Variants in BECN1 observed in about 807,000 individuals in gnomAD.
BECN1 encodes beclin-1.
Under a neutral mutation model 60.1 loss-of-function variants are expected in BECN1, and 15 were observed. That is an observed-to-expected ratio of 0.25 (90% CI 0.17 to 0.38). The LOEUF is 0.38. BECN1 is among the 10% of genes least tolerant of loss of function. BECN1 has a pLI of 1.00. For missense variants in BECN1, 424 were observed against 548.2 expected (o/e 0.77, Z 2.26); for synonymous variants, 179 against 201.8 (o/e 0.89, Z 0.96).
At chr17:42,811,091 G>A (rs1274380072) in intron 11 of BECN1, 163 bp from the exon 12 acceptor site, 2 of 665,556 alleles carry the variant, frequency 3.0e-6, no homozygotes, top group Non-Finnish European at 2.4e-6. Flanking sequence ...CAAAAATCAA[G>A]AAGACTGTCA....
In BECN1 at chr17:42,816,004, T is replaced by C. The variant is rs1225679982; in HGVS notation, c.734A>G (p.Asp245Gly). ...CTGGTTTTCAACACTCTTCAGCTCA[T>C]CATCCAGCTCCAGCTGCTGTCGTTT... ...EFKRQQLELD[D>G]ELKSVENQMR... The change falls in exon 8 of 12, where the codon GAT becomes GGT. Residue 245 changes from aspartate to glycine, a missense_variant. This residue lies in a region of BECN1 where 326 missense variants were observed against 406.2 expected (regional missense o/e 0.80). Transcript: ENST00000590099. The C allele has an allele frequency of 6.2e-7, 1 of 1,612,888 alleles. No individual in the cohort carries two copies. Among genetic ancestry groups the C allele is most frequent in the Non-Finnish European group, 8.5e-7 (1 of 1,179,378 alleles).
chr17:42,819,368 A>C (rs975484046), intron 4 of BECN1, 180 bp downstream of exon 4: 11 of 621,644 alleles, frequency 1.8e-5, no homozygotes, highest in Admixed American at 3.3e-5. Context: ...GAACAGCTAC[A>C]GGAAAAAATC....
chr17:42,819,107 A>G, intron 4 of BECN1: 1 of 554,164 alleles, frequency 1.8e-6, no homozygotes, highest in South Asian at 2.7e-5. Flanking sequence ...CTAAGGAGGG[A>G]GAGGGAGCAT....
intron 11 of BECN1, chr17:42,811,444 T>C (rs1181312753): frequency 1.0e-5 from 5 of 502,136 alleles, no homozygotes; most frequent in African/African-American, 9.9e-5. Context: ...CTAAACCATC[T>C]AAGGCAACAT....
intron 7 of BECN1, among the ~76,000 whole-genome samples, chr17:42,817,322 G>A (rs1366400615): frequency 1.3e-5 from 2 of 151,744 alleles, no homozygotes; most frequent in Non-Finnish European, 2.9e-5. Flanking sequence ...AAAAAACAGT[G>A]GCTTCTTCCA....
At chr17:42,818,172 C>G (rs1325959677) in intron 7 of BECN1, 49 bp downstream of exon 7, 1 of 1,581,130 alleles carries the variant, frequency 6.3e-7, no homozygotes, top group East Asian at 2.2e-5. Context: ...AAGCCATTTC[C>G]TCTCCTGGAG....
rs527281250 is a variant in BECN1 at position 42,813,333 on chromosome 17, G to C, written c.1041+615C>G. Among the ~76,000 whole-genome samples, 16 of 151,736 alleles carry C rather than the reference G, an allele frequency of 1.1e-4. No individual in the cohort carries two copies. The East Asian group carries it at 2.8e-3, about 26-fold the overall frequency. On this transcript the variant is annotated intron_variant, in intron 10 of 11. Coordinates refer to ENST00000590099, the MANE Select transcript of BECN1 (RefSeq NM_001313998.2). ...GTGGATCACCTGAGGTCAGGAGTTC[G>C]AGACCAGCCTGGTCCAACATGGTAA...
chr17:42,811,414 C>T, intron 11 of BECN1: 1 of 409,606 alleles, frequency 2.4e-6, no homozygotes, highest in Non-Finnish European at 4.2e-6. Context: ...GAGGCTTGAG[C>T]TCTATGCCAA....
chr17:42,811,648 T>C lies in BECN1; in HGVS notation c.1184+7A>G. On this transcript the variant is annotated splice_region_variant and intron_variant, in intron 11 of 11. Transcript: ENST00000590099. ...TACAAGTTCACTCAGCATTGCGCTA[T>C]ACTGACCTGTAGGGAAGACAAAAAC... 1.2e-6 allele frequency: 2 copies of C among 1,613,558 alleles called. No homozygotes were observed. The highest frequency in any genetic ancestry group is 1.7e-6 in the Non-Finnish European group (2 of 1,179,702).
intron 11 of BECN1, chr17:42,811,389 C>T (rs1010960271): frequency 5.5e-6 from 2 of 366,462 alleles, no homozygotes; most frequent in African/African-American, 4.2e-5. Context: ...GAAAAACCTT[C>T]TTGAAACTGG....
chr17:42,820,899 G>A, intron 2 of BECN1, 58 bp from the exon 3 acceptor site: 1 of 1,424,780 alleles, frequency 7.0e-7, no homozygotes, highest in Non-Finnish European at 9.7e-7. Flanking sequence ...GAGGGCATCT[G>A]AAAGTATGGG....
intron 2 of BECN1, among the ~76,000 whole-genome samples, chr17:42,823,150 A>G (rs936141633): frequency 1.3e-5 from 2 of 152,216 alleles, no homozygotes; most frequent in Non-Finnish European, 2.9e-5. Context: ...TGCACTTGGT[A>G]TTACTATATA....
In BECN1 at chr17:42,814,333, T is replaced by A. The variant is rs2055100044; in HGVS notation, c.980+191A>T. 4 of 701,384 alleles carry A rather than the reference T, an allele frequency of 5.7e-6. No individual in the cohort carries two copies. In the East Asian group the frequency reaches 1.1e-4, roughly 19 times the overall value. The allele number at this position is 701,384 out of a possible 1,614,324, so 43.4% of individuals were successfully genotyped here. On this transcript the variant is annotated intron_variant, in intron 9 of 11. Transcript: ENST00000590099. ...GGGAACTATGCTATAGTCACGCAAC[T>A]CAGTGACTGTGTGATCAGTGGAGAG...
intron 4 of BECN1, 146 bp from the exon 5 acceptor site, chr17:42,819,023 G>C (rs1001748491): frequency 4.9e-5 from 39 of 798,880 alleles, no homozygotes; most frequent in Non-Finnish European, 7.2e-5. Flanking sequence ...ACCTCCCAAG[G>C]GTACCTCTCT....
intron 3 of BECN1, 114 bp downstream of exon 3, chr17:42,820,660 T>TA: frequency 9.3e-7 from 1 of 1,075,142 alleles, no homozygotes; most frequent in South Asian, 1.5e-5. Context: ...CCGGGAGCTC[T>TA]AGAAGCGCCA....
rs766320356 is a variant in BECN1 at position 42,818,641 on chromosome 17, C to T, written c.391G>A (p.Asp131Asn). The T allele has an allele frequency of 6.2e-7, 1 of 1,614,220 alleles. No homozygotes were observed. The highest frequency in any genetic ancestry group is 8.5e-7 in the Non-Finnish European group (1 of 1,180,032). Reference sequence around the variant, plus strand: ...TCCTCACAGAGTGGGTGATCCACATCTGTCTGGCCCGACATGATGTCAAAA... The same window carrying T: ...TCCTCACAGAGTGGGTGATCCACATTTGTCTGGCCCGACATGATGTCAAAA... ...DLFDIMSGQT[D>N]VDHPLCEECT... The change falls in exon 6 of 12, where the codon GAT (aspartate) becomes AAT (asparagine). Residue 131 changes from aspartate (D) to asparagine (N), a missense_variant. Asp to Asn is a conservative substitution (Grantham distance 23). Transcript: ENST00000590099.
rs760863948 is a variant in BECN1 at position 42,810,811 on chromosome 17, C to T, written c.1302G>A (p.Thr434=). The change falls in exon 12 of 12, where the codon ACG becomes ACA. Residue 434 remains threonine (T), a synonymous_variant. Transcript: ENST00000590099. ...CCCAAGCAAGACCCCACTTAAGATT[C>T]GTCAGCATGAACTTGAGAGCTTTTG... ...QWTKALKFML[T]NLKWGLAWVS... is the part of the protein sequence containing the mutation. 23 of 1,613,352 alleles carry T rather than the reference C, an allele frequency of 1.4e-5. No individual in the cohort carries two copies. In the African/African-American group the frequency reaches 2.1e-4, roughly 15 times the overall value.
At chr17:42,819,702 G>GTGGTT in intron 3 of BECN1, 93 bp from the exon 4 acceptor site, 1 of 1,272,158 alleles carries the variant, frequency 7.9e-7, no homozygotes, top group Non-Finnish European at 1.1e-6. Context: ...CTTTAGTCTT[G>GTGGTT]ATAACCACAA....
chr17:42,810,656 G>T lies in BECN1; in HGVS notation c.*104C>A. The stretch of plus-strand genomic sequence containing the variant: ...TGTGGATTTTTTCTTTTTTGGTATT[G>T]TAAACATGTACTGTTTAATATTACC... On this transcript the variant is annotated 3_prime_UTR_variant, in exon 12 of 12. Coordinates refer to ENST00000590099, the MANE Select transcript of BECN1 (RefSeq NM_001313998.2). 8.2e-7 allele frequency: 1 copy of T among 1,221,356 alleles called. No homozygotes were observed. Among genetic ancestry groups the T allele is most frequent in the East Asian group, 2.6e-5 (1 of 38,170 alleles). 75.7% of individuals were successfully genotyped at this position (1,221,356 alleles called of 1,614,324 possible).
Sources: allele counts gnomAD v4.1 joint callset (sites outside exome capture counted in the v4.1 genomes callset), GRCh38; gene constraint gnomAD v4.1.1; regional missense constraint gnomAD v4.1.1; transcripts MANE v1.5; gene names NCBI Gene and HGNC (gene_info 2026-07-23, HGNC 2026-07-21).